CAPN13: variants seen among roughly 807,000 people sequenced by gnomAD.
CAPN13 encodes the protein calpain 13.
In CAPN13, 90 loss-of-function variants were observed where a neutral mutation model predicts 98.4. That is an observed-to-expected ratio of 0.92 (90% CI 0.77 to 1.09). CAPN13 has a LOEUF of 1.09. CAPN13 is among the 50% of genes least tolerant of loss of function. The pLI is 0.00. For missense variants in CAPN13, 887 were observed against 841.3 expected (o/e 1.05, Z -0.67); for synonymous variants, 330 against 305.5 (o/e 1.08, Z -0.84).
At chr2:30,739,924 G>A (rs894610001) in intron 15 of CAPN13, among the ~76,000 whole-genome samples, 3 of 152,078 alleles carry the variant, frequency 2.0e-5, no homozygotes, top group Admixed American at 6.5e-5. Context: ...TGTAATGTCC[G>A]GATGATGGGT....
chr2:30,783,870 T>C (rs1674119393), intron 2 of CAPN13, among the ~76,000 whole-genome samples: 2 of 152,146 alleles, frequency 1.3e-5, no homozygotes, highest in African/African-American at 2.4e-5. Flanking sequence ...GTCAACTTTC[T>C]AAAAATAGTG....
chr2:30,763,215 A>G, intron 6 of CAPN13, 59 bp from the exon 7 acceptor site: 1 of 1,490,110 alleles, frequency 6.7e-7, no homozygotes, highest in East Asian at 2.4e-5. Context: ...AAAGAAATAG[A>G]AAAACACAGT....
At chr2:30,757,924 T>G in intron 8 of CAPN13, 122 bp downstream of exon 8, 3 of 689,016 alleles carry the variant, frequency 4.4e-6, no homozygotes, top group Non-Finnish European at 7.1e-6. Flanking sequence ...CGTGTAGGTG[T>G]GAGCTGGACA....
chr2:30,756,429 C>T (rs1350655365), intron 8 of CAPN13, among the ~76,000 whole-genome samples: 4 of 152,200 alleles, frequency 2.6e-5, no homozygotes, highest in African/African-American at 7.2e-5. Context: ...AACATGCCAG[C>T]CCACGGGAAG....
chr2:30,788,296 A>T (rs1027092996), intron 1 of CAPN13, among the ~76,000 whole-genome samples: 7 of 152,210 alleles, frequency 4.6e-5, no homozygotes, highest in African/African-American at 1.4e-4. Flanking sequence ...GACCTAACCA[A>T]CTGAGCAGAG....
chr2:30,741,838 G>A (rs1174582573), intron 15 of CAPN13, 70 bp downstream of exon 15: 1 of 1,611,274 alleles, frequency 6.2e-7, no homozygotes, highest in Non-Finnish European at 8.5e-7. Context: ...AAGGGCCTGT[G>A]AGAGCTGTCC....
intron 11 of CAPN13, among the ~76,000 whole-genome samples, chr2:30,748,303 C>T (rs934821212): frequency 1.3e-5 from 2 of 152,144 alleles, no homozygotes; most frequent in Non-Finnish European, 2.9e-5. Context: ...TCTGAGGGTC[C>T]TCTTAGAAGG....
chr2:30,759,048 TTC>T (rs1672660089), intron 7 of CAPN13, among the ~76,000 whole-genome samples: 1 of 18,996 alleles, frequency 5.3e-5, no homozygotes, highest in African/African-American at 3.8e-4. Context: ...CCCTCCTTCC[TTC>T]CTTCCCTCCC....
At chr2:30,779,081 C>T (rs766910284) in intron 2 of CAPN13, among the ~76,000 whole-genome samples, 8 of 152,210 alleles carry the variant, frequency 5.3e-5, no homozygotes, top group Non-Finnish European at 8.8e-5. Flanking sequence ...ATCCTCCACT[C>T]GTGAGAAGTA....
intron 5 of CAPN13, among the ~76,000 whole-genome samples, chr2:30,766,857 A>C (rs1673138961): frequency 6.6e-6 from 1 of 152,162 alleles, no homozygotes; most frequent in Non-Finnish European, 1.5e-5. Flanking sequence ...ATTTGACTTG[A>C]CCAATTAATT....
chr2:30,775,927 T>C lies in CAPN13; in HGVS notation c.387+3A>G, dbSNP rs1195392701. 6.2e-7 allele frequency: 1 copy of C among 1,605,702 alleles called. No homozygotes were observed. ...ATAATGAGCGCTGCAAGGGCACACG[T>C]ACCCGGAAACGGAAAATGCCAGCAT... On this transcript the variant is annotated splice_donor_region_variant and intron_variant, in intron 4 of 22. Coordinates refer to ENST00000295055, the MANE Select transcript of CAPN13 (RefSeq NM_144575.3).
chr2:30,744,539 T>C (rs1671812766), intron 12 of CAPN13, among the ~76,000 whole-genome samples: 1 of 152,134 alleles, frequency 6.6e-6, no homozygotes, highest in African/African-American at 2.4e-5. Context: ...CATGTGTGGG[T>C]GCATGGGGAG....
chr2:30,752,223 C>T (rs917237017), intron 10 of CAPN13, among the ~76,000 whole-genome samples: 2 of 152,232 alleles, frequency 1.3e-5, no homozygotes, highest in East Asian at 1.9e-4. Context: ...AACCAACCAT[C>T]CCGACAGGCA....
Position 30,732,514 on chromosome 2 carries a change from G to A in CAPN13, c.1851C>T (p.Leu617=), listed in dbSNP as rs756522928. The A allele has an allele frequency of 1.7e-5, 28 of 1,612,072 alleles. No homozygotes were observed. Among genetic ancestry groups the A allele is most frequent in the Non-Finnish European group, 2.4e-5 (28 of 1,179,224 alleles). Residue 617 remains leucine (L), a synonymous_variant, in exon 20 of 23, where the codon CTC becomes CTT. Transcript: ENST00000295055. ...ISRELLHLVT[L]RYSDSVGRVS... is the part of the protein sequence containing the mutation. ...CCCTGCCGACGCTGTCGCTGTACCT[G>A]AGGGTCACCAGATGCAGCAGCTCAC...
At chr2:30,766,639 C>T (rs1049975824) in intron 5 of CAPN13, among the ~76,000 whole-genome samples, 2 of 152,170 alleles carry the variant, frequency 1.3e-5, no homozygotes, top group African/African-American at 4.8e-5. Context: ...GCCTTGTCCC[C>T]ATCCCTCTGC....
At chr2:30,767,480 T>G (rs1222359123) in intron 5 of CAPN13, among the ~76,000 whole-genome samples, 1 of 152,234 alleles carries the variant, frequency 6.6e-6, no homozygotes, top group African/African-American at 2.4e-5. Flanking sequence ...GCAAGATTTC[T>G]ACTTCTCCCA....
intron 12 of CAPN13, 88 bp downstream of exon 12, chr2:30,745,635 C>T (rs1282390979): frequency 2.2e-6 from 3 of 1,347,026 alleles, no homozygotes; most frequent in South Asian, 2.5e-5. Flanking sequence ...CCACTGAACA[C>T]GTGGAGGCCA....
At chr2:30,759,375 A>C (rs550047658) in intron 7 of CAPN13, among the ~76,000 whole-genome samples, 49 of 152,260 alleles carry the variant, frequency 3.2e-4, no homozygotes, top group Admixed American at 3.9e-4. Context: ...AGTGACAACA[A>C]CACAGCAGCC....
chr2:30,733,227 G>C (rs1359757996), intron 19 of CAPN13, among the ~76,000 whole-genome samples: 2 of 152,138 alleles, frequency 1.3e-5, no homozygotes, highest in African/African-American at 2.4e-5. Flanking sequence ...ATCCATCATG[G>C]GGACAAGCCT....
Sources: allele counts gnomAD v4.1 joint callset (sites outside exome capture counted in the v4.1 genomes callset), GRCh38; gene constraint gnomAD v4.1.1; transcripts MANE v1.5; gene names NCBI Gene and HGNC (gene_info 2026-07-23, HGNC 2026-07-21).